SUMF1: variants seen among roughly 807,000 people sequenced by gnomAD.
The protein encoded by SUMF1 is formylglycine-generating enzyme.
SUMF1 carries 48 observed loss-of-function variants against 47.6 expected under a neutral mutation model. The observed-to-expected ratio is 1.01, with a 90% CI of 0.80 to 1.28. The LOEUF is 1.28. Ranked by LOEUF, SUMF1 falls within the 50% of genes most tolerant of loss-of-function variation. SUMF1 has a pLI of 0.00. For synonymous variants in SUMF1, 230 were observed against 192.1 expected, an observed-to-expected ratio of 1.20 and a Z score of -1.63; for missense variants, 571 against 485.4, an observed-to-expected ratio of 1.18 and a Z score of -1.66.
chr3:4,385,991 A>C (rs1333890889), intron 7 of SUMF1, among the ~76,000 whole-genome samples: 2 of 152,200 alleles, frequency 1.3e-5, no homozygotes, highest in African/African-American at 4.8e-5. Flanking sequence ...CTGATCTATA[A>C]GCATATCCCT....
intron 8 of SUMF1, among the ~76,000 whole-genome samples, chr3:4,178,219 C>T (rs1008223944): frequency 6.6e-6 from 1 of 152,146 alleles, no homozygotes; most frequent in Non-Finnish European, 1.5e-5. Context: ...GATACCAAAG[C>T]CTGGCAGAGA....
intron 8 of SUMF1, among the ~76,000 whole-genome samples, chr3:4,153,998 C>G (rs1694398403): frequency 6.6e-6 from 1 of 151,532 alleles, no homozygotes; most frequent in Non-Finnish European, 1.5e-5. Context: ...CTTCAACTTG[C>G]AAAGAGTCAG....
chr3:4,257,887 C>G (rs1261180441), intron 8 of SUMF1, among the ~76,000 whole-genome samples: 1 of 151,206 alleles, frequency 6.6e-6, no homozygotes, highest in Non-Finnish European at 1.5e-5. Context: ...GTAACCAAAA[C>G]AGCATGGTAC....
rs866316390 is a variant in SUMF1, at chr3:4,105,652, A to G, written c.1015-36907T>C. Among the ~76,000 whole-genome samples the G allele has an allele frequency of 2.0e-4, 30 of 152,116 alleles. 1 individual carries two copies. Among genetic ancestry groups the G allele is most frequent in the African/African-American group, 7.0e-4 (29 of 41,398 alleles). ...GGAAACTTAGGAGTTCTTCCTGTGA[A>G]TATCTGTCTCTTCATTTGAATGTCT... On this transcript the variant is annotated intron_variant and NMD_transcript_variant, in intron 8 of 12. Transcript: ENST00000448413.
At chr3:4,061,884 G>C (rs1695281738) in intron 9 of SUMF1, among the ~76,000 whole-genome samples, 1 of 152,066 alleles carries the variant, frequency 6.6e-6, no homozygotes, top group Admixed American at 6.6e-5. Flanking sequence ...AGTATGTAAG[G>C]AGGCCGCTTT....
chr3:4,349,288 C>A (rs773236121), intron 8 of SUMF1, among the ~76,000 whole-genome samples: 1 of 152,086 alleles, frequency 6.6e-6, no homozygotes, highest in Non-Finnish European at 1.5e-5. Context: ...AATGAGATAC[C>A]ATTTCACGCC....
chr3:4,378,703 T>G (rs1437543172), intron 7 of SUMF1, among the ~76,000 whole-genome samples: 1 of 152,190 alleles, frequency 6.6e-6, no homozygotes, highest in African/African-American at 2.4e-5. Flanking sequence ...CATTTATAAT[T>G]GTGGAACTCT....
intron 8 of SUMF1, among the ~76,000 whole-genome samples, chr3:4,109,899 T>C (rs772946435): frequency 1.3e-5 from 2 of 152,062 alleles, no homozygotes; most frequent in South Asian, 2.1e-4. Context: ...AGTAGTTTGA[T>C]TGTCTGAAGC....
At chr3:4,403,284 C>G (rs956329479) in intron 7 of SUMF1, among the ~76,000 whole-genome samples, 1 of 152,130 alleles carries the variant, frequency 6.6e-6, no homozygotes, top group Admixed American at 6.6e-5. Flanking sequence ...TTGGCATCCA[C>G]TAACCAAACT....
At position 4,451,461 on chromosome 3, in the gene SUMF1, A is replaced by G. The variant is rs114323141; in HGVS notation, c.444+1415T>C. ...AAGTAATCGCGGTCTTTGCCATTAAAAGTAATGACAAAAACCGTAATTACT... is the reference window on the plus strand; with the variant it reads ...AAGTAATCGCGGTCTTTGCCATTAAGAGTAATGACAAAAACCGTAATTACT... On this transcript the variant is annotated intron_variant, in intron 2 of 8. Transcript: ENST00000272902. Among the ~76,000 whole-genome samples the G allele has an allele frequency of 7.2e-3, 1,096 of 152,310 alleles. 16 individuals carry two copies. Among genetic ancestry groups the G allele is most frequent in the African/African-American group, 0.024 (1,003 of 41,570 alleles).
At chr3:4,163,079 G>A (rs1205183400) in intron 8 of SUMF1, among the ~76,000 whole-genome samples, 17 of 151,336 alleles carry the variant, frequency 1.1e-4, no homozygotes, top group Admixed American at 1.1e-3. Context: ...ATGTACAAAT[G>A]TCTGATGTAA....
intron 8 of SUMF1, among the ~76,000 whole-genome samples, chr3:4,218,633 T>G (rs906667): frequency 6.6e-6 from 1 of 151,878 alleles, no homozygotes; most frequent in Non-Finnish European, 1.5e-5. Flanking sequence ...CTGCTGTGAA[T>G]GCGGGCCAGG....
At chr3:4,243,113 G>C (rs1348915898) in intron 8 of SUMF1, among the ~76,000 whole-genome samples, 1 of 151,964 alleles carries the variant, frequency 6.6e-6, no homozygotes, top group Admixed American at 6.6e-5. Flanking sequence ...GTGATATGCC[G>C]TTTATCATTT....
At chr3:4,089,352 A>C (rs1362491168) in intron 8 of SUMF1, among the ~76,000 whole-genome samples, 1 of 152,190 alleles carries the variant, frequency 6.6e-6, no homozygotes, top group Non-Finnish European at 1.5e-5. Flanking sequence ...CTGCTTTGTA[A>C]AACTGCTTGC....
At chr3:4,363,322 T>C (rs1249576115) in intron 8 of SUMF1, among the ~76,000 whole-genome samples, 3 of 152,176 alleles carry the variant, frequency 2.0e-5, no homozygotes, top group South Asian at 2.1e-4. Flanking sequence ...ACATCAAACA[T>C]AGGAAAGGCT....
intron 8 of SUMF1, among the ~76,000 whole-genome samples, chr3:4,113,782 A>G (rs1693363852): frequency 6.6e-6 from 1 of 152,088 alleles, no homozygotes; most frequent in African/African-American, 2.4e-5. Flanking sequence ...GATCAGGAAA[A>G]AAGGTCATCA....
In SUMF1 at chr3:4,195,472, C is replaced by G. The variant is rs559086962; in HGVS notation, c.1015-126727G>C. ...ACCTAAAGCCCTGATATTCCTCCTA[C>G]AAAATATTGTCCTAAAAAATCCAGA... On this transcript the variant is annotated intron_variant and NMD_transcript_variant, in intron 8 of 12. Transcript: ENST00000448413. Among the ~76,000 whole-genome samples, 7 of 152,206 alleles carry G rather than the reference C, an allele frequency of 4.6e-5. No individual in the cohort carries two copies. The East Asian group carries it at 1.4e-3, about 29-fold the overall frequency.
intron 8 of SUMF1, among the ~76,000 whole-genome samples, chr3:4,192,320 T>G (rs1339815267): frequency 1.3e-5 from 2 of 152,116 alleles, no homozygotes; most frequent in African/African-American, 2.4e-5. Context: ...GCAAGCCACT[T>G]CCCTTCTCTT....
chr3:4,174,035 AATTAGCTAGT>A (rs2125126563), intron 8 of SUMF1, among the ~76,000 whole-genome samples: 1 of 152,252 alleles, frequency 6.6e-6, no homozygotes, highest in African/African-American at 2.4e-5. Context: ...AGAATCATGT[AATTAGCTAGT>A]ATTAGCTAGG....
Sources: allele counts gnomAD v4.1 joint callset (sites outside exome capture counted in the v4.1 genomes callset), GRCh38; gene constraint gnomAD v4.1.1; transcripts MANE v1.5; gene names NCBI Gene and HGNC (gene_info 2026-07-23, HGNC 2026-07-21).